The following SLC25A21 variants were observed in gnomAD, a reference collection of about 807,000 sequenced individuals.
The protein encoded by SLC25A21 is mitochondrial 2-oxodicarboxylate carrier.
In SLC25A21, 47 loss-of-function variants were observed where a neutral mutation model predicts 43.8. The ratio of observed to expected loss-of-function variants is 1.07; its 90% CI spans 0.85 to 1.37. SLC25A21 has a LOEUF of 1.37. Ranked by LOEUF, SLC25A21 falls within the 40% of genes most tolerant of loss-of-function variation. The pLI is 0.00. For missense variants in SLC25A21, 352 were observed against 350.2 expected (o/e 1.00, Z -0.04); for synonymous variants, 131 against 121.3 (o/e 1.08, Z -0.52).
At chr14:37,017,596 C>T (rs931286066) in intron 1 of SLC25A21, among the ~76,000 whole-genome samples, 1 of 152,010 alleles carries the variant, frequency 6.6e-6, no homozygotes, top group Non-Finnish European at 1.5e-5. Context: ...AATAGACTTT[C>T]CAGACACAGG....
At chr14:36,985,738 TC>T (rs1960132583) in intron 1 of SLC25A21, among the ~76,000 whole-genome samples, 1 of 152,204 alleles carries the variant, frequency 6.6e-6, no homozygotes, top group African/African-American at 2.4e-5. Flanking sequence ...ATTGTATCAC[TC>T]CTTCTACATT....
intron 1 of SLC25A21, among the ~76,000 whole-genome samples, chr14:37,074,529 A>G (rs1364487672): frequency 6.6e-6 from 1 of 152,150 alleles, no homozygotes; most frequent in African/African-American, 2.4e-5. Flanking sequence ...AATGGGAAGC[A>G]CCTACAAGAA....
intron 1 of SLC25A21, among the ~76,000 whole-genome samples, chr14:37,154,462 A>G (rs931797077): frequency 8.0e-6 from 1 of 124,510 alleles, no homozygotes; most frequent in African/African-American, 3.6e-5. Context: ...AGGAAACATA[A>G]AAAAAAATCA....
intron 1 of SLC25A21, among the ~76,000 whole-genome samples, chr14:37,029,817 T>G (rs912394363): frequency 1.4e-5 from 2 of 143,744 alleles, no homozygotes; most frequent in Admixed American, 7.4e-5. Flanking sequence ...CAGGCTGGAG[T>G]GCAATGGCAT....
At chr14:37,067,761 C>T (rs1173629233) in intron 1 of SLC25A21, among the ~76,000 whole-genome samples, 1 of 152,142 alleles carries the variant, frequency 6.6e-6, no homozygotes, top group Non-Finnish European at 1.5e-5. Context: ...CAAATCCTAT[C>T]AGTAAAAACT....
chr14:36,919,479 T>C (rs941175541), intron 1 of SLC25A21, among the ~76,000 whole-genome samples: 2 of 152,036 alleles, frequency 1.3e-5, no homozygotes, highest in African/African-American at 2.4e-5. Context: ...CAGAATTCCA[T>C]AATGGCACTT....
At chr14:36,729,366 G>T in intron 5 of SLC25A21, 141 bp downstream of exon 5, 1 of 600,922 alleles carries the variant, frequency 1.7e-6, no homozygotes, top group Non-Finnish European at 2.8e-6. Context: ...TAGGAAGATG[G>T]CTTTCAACAA....
intron 3 of SLC25A21, among the ~76,000 whole-genome samples, chr14:36,802,392 G>C (rs1887897844): frequency 6.6e-6 from 1 of 151,988 alleles, no homozygotes; most frequent in Non-Finnish European, 1.5e-5. Context: ...ACGAGTAATT[G>C]GCTACAATAT....
chr14:37,163,289 A>AATC (rs1445387285), intron 1 of SLC25A21, among the ~76,000 whole-genome samples: 23 of 111,194 alleles, frequency 2.1e-4, no homozygotes, highest in African/African-American at 5.6e-4. Context: ...CTTAAAGTAT[A>AATC]ATAATAATAA....
intron 2 of SLC25A21, among the ~76,000 whole-genome samples, chr14:36,854,159 G>A (rs987455098): frequency 4.6e-5 from 7 of 152,150 alleles, no homozygotes; most frequent in Admixed American, 3.3e-4. Flanking sequence ...ATATAAATGC[G>A]ACATGATCTC....
At chr14:36,867,790 CGTGTGTGTGTGTGT>C (rs10606711) in intron 2 of SLC25A21, among the ~76,000 whole-genome samples, 4 of 146,128 alleles carry the variant, frequency 2.7e-5, no homozygotes, top group South Asian at 2.2e-4. Context: ...ACCATGCTTT[CGTGTGTGTGTGTGT>C]GTGTGTGTGT....
intron 1 of SLC25A21, among the ~76,000 whole-genome samples, chr14:37,126,654 A>G (rs1963302908): frequency 6.6e-6 from 1 of 152,170 alleles, no homozygotes; most frequent in Admixed American, 6.6e-5. Flanking sequence ...GATTTCCACA[A>G]GTTACTATGT....
intron 2 of SLC25A21, among the ~76,000 whole-genome samples, chr14:36,863,732 A>G (rs1478689400): frequency 6.6e-6 from 1 of 152,186 alleles, no homozygotes; most frequent in Non-Finnish European, 1.5e-5. Context: ...TTTTTCCTCA[A>G]TGCCTCAGGC....
chr14:37,166,997 A>G (rs1330438221), intron 1 of SLC25A21, among the ~76,000 whole-genome samples: 1 of 152,212 alleles, frequency 6.6e-6, no homozygotes, highest in Non-Finnish European at 1.5e-5. Flanking sequence ...TAAAAATATT[A>G]GCTTCAAAAA....
At chr14:37,150,839 A>G (rs1277143627) in intron 1 of SLC25A21, among the ~76,000 whole-genome samples, 1 of 152,150 alleles carries the variant, frequency 6.6e-6, no homozygotes, top group East Asian at 1.9e-4. Context: ...ATTTACTCCA[A>G]AGTGCTTTAA....
chr14:36,924,202 T>C (rs1329309787), intron 1 of SLC25A21, among the ~76,000 whole-genome samples: 2 of 152,202 alleles, frequency 1.3e-5, no homozygotes, highest in African/African-American at 4.8e-5. Flanking sequence ...ATATAAATCA[T>C]GCTGCTATAA....
At chr14:37,064,854 C>G (rs572124815) in intron 1 of SLC25A21, among the ~76,000 whole-genome samples, 2 of 152,278 alleles carry the variant, frequency 1.3e-5, no homozygotes, top group African/African-American at 4.8e-5. Flanking sequence ...ACAAGGCATG[C>G]ATATTCTCAA....
chr14:37,093,915 A>T (rs1477872053), intron 1 of SLC25A21, among the ~76,000 whole-genome samples: 1 of 152,174 alleles, frequency 6.6e-6, no homozygotes, highest in Non-Finnish European at 1.5e-5. Context: ...ATCTGGCATG[A>T]TCCCATGTTT....
intron 1 of SLC25A21, among the ~76,000 whole-genome samples, chr14:36,877,363 T>C (rs534955149): frequency 1.3e-5 from 2 of 152,368 alleles, no homozygotes; most frequent in South Asian, 4.1e-4. Context: ...CAGTTTTCTA[T>C]GTGCTAATGC....
Sources: gnomAD v4.1 joint callset for allele counts (sites outside exome capture counted in the v4.1 genomes callset) on GRCh38, gnomAD v4.1.1 for gene constraint, MANE v1.5 for transcripts, NCBI Gene and HGNC (gene_info 2026-07-23, HGNC 2026-07-21) for gene names.